The following MUL1 variants were observed in gnomAD, a reference collection of about 807,000 sequenced individuals.
The protein encoded by MUL1 is mitochondrial E3 ubiquitin protein ligase 1.
MUL1 carries 30 observed loss-of-function variants against 34.1 expected under a neutral mutation model. That is an observed-to-expected ratio of 0.88 (90% CI 0.66 to 1.19). The LOEUF is 1.19. Among genes scored for constraint, MUL1 ranks in the 50% most tolerant of loss-of-function variants. The pLI is 0.00. For synonymous variants in MUL1, 191 were observed against 187.8 expected, an observed-to-expected ratio of 1.02 and a Z score of -0.14; for missense variants, 419 against 450.5, an observed-to-expected ratio of 0.93 and a Z score of 0.63.
chr1:20,504,160 G>T (rs183714452), intron 1 of MUL1, among the ~76,000 whole-genome samples: 1 of 152,074 alleles, frequency 6.6e-6, no homozygotes, highest in East Asian at 1.9e-4. Context: ...GTGAGCCACC[G>T]CACCCAGTCT....
chr1:20,503,874 AT>A lies in MUL1; in HGVS notation c.121-566del, dbSNP rs111696728. Among the ~76,000 whole-genome samples, 527 of 141,356 alleles carry A rather than the reference AT, an allele frequency of 3.7e-3. 1 individual carries two copies. Among genetic ancestry groups the A allele is most frequent in the Middle Eastern group, 0.011 (3 of 268 alleles). 92.7% of individuals were successfully genotyped at this position (141,356 alleles called of 152,430 possible). ...TAACTGGTGCCAAATGCCATTCTAC[AT>A]TTTTTTTTTTTTTTGAGATGGGGTC... On this transcript the variant is annotated intron_variant, in intron 1 of 3. Transcript: ENST00000264198.
intron 2 of MUL1, among the ~76,000 whole-genome samples, chr1:20,502,531 G>A (rs1209928641): frequency 6.6e-6 from 1 of 152,184 alleles, no homozygotes; most frequent in East Asian, 1.9e-4. Flanking sequence ...CTACCTGGGT[G>A]ACAGAGCCAA....
In MUL1 at chr1:20,508,115, C is replaced by G; in HGVS notation, c.-91G>C. On this transcript the variant is annotated 5_prime_UTR_variant, in exon 1 of 4. Coordinates refer to ENST00000264198, the MANE Select transcript of MUL1 (RefSeq NM_024544.3). ...ACCTCCTTCCGACCAGGACCGCACC[C>G]CCCCGGCCTAACCTGACCGGAAACT... 1 of 1,500,372 alleles carries G rather than the reference C, an allele frequency of 6.7e-7. No individual in the cohort carries two copies. The highest frequency in any genetic ancestry group is 8.9e-7 in the Non-Finnish European group (1 of 1,122,000). 92.9% of individuals were successfully genotyped at this position (1,500,372 alleles called of 1,614,324 possible).
chr1:20,507,767 T>A (rs2051729771), intron 1 of MUL1, 138 bp downstream of exon 1: 1 of 1,264,122 alleles, frequency 7.9e-7, no homozygotes, highest in South Asian at 1.6e-5. Context: ...CTCCATCTAC[T>A]GGCTGGATGA....
chr1:20,504,159 C>T (rs1325979226), intron 1 of MUL1, among the ~76,000 whole-genome samples: 7 of 152,198 alleles, frequency 4.6e-5, no homozygotes, highest in Admixed American at 2.6e-4. Context: ...TGTGAGCCAC[C>T]GCACCCAGTC....
rs763382993 is a variant in MUL1 at position 20,503,287 on chromosome 1, C to G, written c.143G>C (p.Gly48Ala). The change falls in exon 2 of 4, where the codon GGT (glycine) becomes GCT (alanine). Residue 48 changes from glycine (G) to alanine (A), a missense_variant. By Grantham distance (60) the Gly-to-Ala change is moderately conservative. Coordinates refer to ENST00000264198, the MANE Select transcript of MUL1 (RefSeq NM_024544.3). ...ELKGAKKVHL[G>A]EDLKSILSEA... ...TGAAAGAATACTCTTTAAATCTTCACCCAAATGAACTTTTTTAGCTCCCTA... is the reference window on the plus strand; with the variant it reads ...TGAAAGAATACTCTTTAAATCTTCAGCCAAATGAACTTTTTTAGCTCCCTA... 12 of 1,603,760 alleles carry G rather than the reference C, an allele frequency of 7.5e-6. No individual in the cohort carries two copies. In the South Asian group the frequency reaches 1.1e-4, roughly 15 times the overall value.
At position 20,501,804 on chromosome 1, in the gene MUL1, G is replaced by A. The variant is rs541465172; in HGVS notation, c.329+265C>T. 6.6e-6 allele frequency among the ~76,000 whole-genome samples: 1 copy of A among 152,286 alleles called. No homozygotes were observed. Among genetic ancestry groups the A allele is most frequent in the African/African-American group, 2.4e-5 (1 of 41,568 alleles). On this transcript the variant is annotated intron_variant, in intron 3 of 3. Transcript: ENST00000264198. This position sits in a 1 kb window ranked among gnomAD's most constrained non-coding sequence, Gnocchi z 4.2. ...CAACAGATTCCAGGTCCCTGATCCT[G>A]GAAATTCTGGTTGGATAAGTCACCA...
In MUL1 at chr1:20,501,134, G is replaced by C. The variant is rs927498311; in HGVS notation, c.615C>G (p.Asn205Lys). The change falls in exon 4 of 4, where the codon AAC becomes AAG. Residue 205 changes from asparagine (N) to lysine (K), a missense_variant. Transcript: ENST00000264198. This position sits in a 1 kb window ranked among gnomAD's most constrained non-coding sequence, Gnocchi z 4.2. ...TGGGCGGCTGCAGGCGGACAGAGTT[G>C]TTGTCCAGGACCAGTTCGCCAACCC... is the stretch of plus-strand genomic sequence containing the variant. ...LTGVGELVLD[N>K]NSVRLQPPKQ... The C allele has an allele frequency of 6.2e-7, 1 of 1,614,116 alleles. No homozygotes were observed. Among genetic ancestry groups the C allele is most frequent in the Admixed American group, 1.7e-5 (1 of 60,034 alleles).
At chr1:20,505,417 C>T (rs1292155420) in intron 1 of MUL1, among the ~76,000 whole-genome samples, 3 of 151,610 alleles carry the variant, frequency 2.0e-5, no homozygotes, top group Non-Finnish European at 4.4e-5. Context: ...GACCCCATCT[C>T]TATGAAAAAT....
rs1427208712 is a variant in MUL1, at chr1:20,500,886, C to G, written c.863G>C (p.Ser288Thr). Residue 288 changes from serine (S) to threonine (T), a missense_variant, in exon 4 of 4, where the codon AGC becomes ACC. By Grantham distance (58) the Ser-to-Thr change is moderately conservative. Coordinates refer to ENST00000264198, the MANE Select transcript of MUL1 (RefSeq NM_024544.3). The stretch of plus-strand genomic sequence containing the variant: ...CTCCCTGTCCTCAGGCTTGGCTCGG[C>G]TCAGCAGCTGGGCCTCATGCTCCTG... ...EFQEHEAQLLSRAKPEDRESL... is the reference protein window; with the variant it reads ...EFQEHEAQLLTRAKPEDRESL... 1.2e-6 allele frequency: 2 copies of G among 1,613,976 alleles called. No individual in the cohort carries two copies. Among genetic ancestry groups the G allele is most frequent in the Admixed American group, 3.3e-5 (2 of 60,008 alleles).
Position 20,501,190 on chromosome 1 carries a change from C to T in MUL1, c.559G>A (p.Glu187Lys). The T allele has an allele frequency of 6.2e-7, 1 of 1,614,072 alleles. No homozygotes were observed. The highest frequency in any genetic ancestry group is 8.5e-7 in the Non-Finnish European group (1 of 1,179,924). The part of the protein sequence containing the change: ...ERPKGIQETE[E>K]MLKVGATLTG... ...AGGGTGGCCCCCACCTTCAGCATCT[C>T]CTCGGTCTCTTGGATGCCTTTGGGC... The change falls in exon 4 of 4, where the codon GAG (glutamate) becomes AAG (lysine). Residue 187 changes from glutamate to lysine, a missense_variant. Glu to Lys is a moderately conservative substitution (Grantham distance 56). Transcript: ENST00000264198. This position sits in a 1 kb window ranked among gnomAD's most constrained non-coding sequence, Gnocchi z 4.2.
chr1:20,500,827 T>C lies in MUL1; in HGVS notation c.922A>G (p.Ser308Gly). 1 of 1,614,170 alleles carries C rather than the reference T, an allele frequency of 6.2e-7. No individual in the cohort carries two copies. The highest frequency in any genetic ancestry group is 1.1e-5 in the South Asian group (1 of 91,078). ...LKSACVVCLS[S>G]FKSCVFLECG... The stretch of plus-strand genomic sequence containing the variant: ...TCCAGAAAGACGCAGGACTTGAAGC[T>C]GCTCAGACACACTACACAGGCGCTC... Residue 308 changes from serine (S) to glycine (G), a missense_variant, in exon 4 of 4, where the codon AGC becomes GGC. Ser to Gly is a moderately conservative substitution (Grantham distance 56). Transcript: ENST00000264198.
At position 20,500,739 on chromosome 1, in the gene MUL1, G is replaced by C. The variant is rs369485030; in HGVS notation, c.1010C>G (p.Pro337Arg). 1 of 1,608,720 alleles carries C rather than the reference G, an allele frequency of 6.2e-7. No homozygotes were observed. Among genetic ancestry groups the C allele is most frequent in the Non-Finnish European group, 8.5e-7 (1 of 1,177,286 alleles). ...YRALPEPKKC[P>R]ICRQAITRVI... ...CCGGGTGATCGCCTGTCTGCAGATA[G>C]GGCACTTCTTGGGCTCTGGCAAGGC... The change falls in exon 4 of 4, where the codon CCT becomes CGT. Residue 337 changes from proline to arginine, a missense_variant. Coordinates refer to ENST00000264198, the MANE Select transcript of MUL1 (RefSeq NM_024544.3).
chr1:20,504,684 G>A (rs2051695963), intron 1 of MUL1, among the ~76,000 whole-genome samples: 1 of 152,196 alleles, frequency 6.6e-6, no homozygotes. Flanking sequence ...AGGAGGGCTT[G>A]GACACTGTTT....
chr1:20,508,033 C>T lies in MUL1; in HGVS notation c.-9G>A. On this transcript the variant is annotated 5_prime_UTR_variant, in exon 1 of 4. Transcript: ENST00000264198. ...CGCCCTCCGCTCTCCATGACGGCGG[C>T]GAGCCCCGGTGGCCGACTGTGGCGC... is the stretch of plus-strand genomic sequence containing the variant. 1.9e-6 allele frequency: 3 copies of T among 1,579,068 alleles called. No individual in the cohort carries two copies. The highest frequency in any genetic ancestry group is 2.6e-6 in the Non-Finnish European group (3 of 1,164,122).
chr1:20,502,980 A>G (rs1385905656), intron 2 of MUL1, among the ~76,000 whole-genome samples: 3 of 152,160 alleles, frequency 2.0e-5, no homozygotes, highest in African/African-American at 7.2e-5. Context: ...CATGGATCAC[A>G]TAATTTGTCT....
intron 1 of MUL1, among the ~76,000 whole-genome samples, chr1:20,505,247 T>C (rs2051701627): frequency 6.6e-6 from 1 of 152,084 alleles, no homozygotes; most frequent in Non-Finnish European, 1.5e-5. Context: ...ATACACAGGA[T>C]AGGACACAAG....
intron 2 of MUL1, among the ~76,000 whole-genome samples, chr1:20,502,993 T>C (rs2051678540): frequency 6.6e-6 from 1 of 152,168 alleles, no homozygotes; most frequent in Non-Finnish European, 1.5e-5. Context: ...ATTTGTCTTA[T>C]AACAACCCCA....
At chr1:20,505,582 CAAAAAAAAAAAAA>C (rs11338654) in intron 1 of MUL1, among the ~76,000 whole-genome samples, 2 of 57,168 alleles carry the variant, frequency 3.5e-5, no homozygotes, top group East Asian at 5.5e-4. Flanking sequence ...GACCATGTCT[CAAAAAAAAAAAAA>C]AAAAAAAAAA....
Sources: allele counts gnomAD v4.1 joint callset (sites outside exome capture counted in the v4.1 genomes callset), GRCh38; gene constraint gnomAD v4.1.1; non-coding constraint Gnocchi (gnomAD v3.1); transcripts MANE v1.5; gene names NCBI Gene and HGNC (gene_info 2026-07-23, HGNC 2026-07-21).